The following CCDC88C variants were observed in gnomAD, a reference collection of about 807,000 sequenced individuals.
CCDC88C encodes the protein protein Daple.
In CCDC88C, 131 loss-of-function variants were observed where a neutral mutation model predicts 198.8. The observed-to-expected ratio is 0.66, with a 90% confidence interval of 0.57 to 0.76. The LOEUF (loss-of-function observed/expected upper bound fraction) is 0.76. CCDC88C is among the 30% of genes least tolerant of loss of function. CCDC88C has a pLI of 0.00. For missense variants in CCDC88C, 2,553 were observed against 2,631.6 expected, an observed-to-expected ratio of 0.97 and a Z score of 0.65; for synonymous variants, 1,166 against 1,114.7, an observed-to-expected ratio of 1.05 and a Z score of -0.92.
At position 91,393,260 on chromosome 14, in the gene CCDC88C, G is replaced by A. The variant is rs552643200; in HGVS notation, c.270+15399C>T. Among the ~76,000 whole-genome samples the A allele has an allele frequency of 3.2e-4, 49 of 152,292 alleles. 1 individual carries two copies. Among genetic ancestry groups the A allele is most frequent in the Non-Finnish European group, 1.8e-4 (12 of 68,010 alleles). On this transcript the variant is annotated intron_variant, in intron 3 of 29. Coordinates refer to ENST00000389857, the MANE Select transcript of CCDC88C (RefSeq NM_001080414.4). ...CCTGGAGGACAAGAGGAGCTGCCCC[G>A]GGAGAGGCTGAGCTGGGAGATGACA... is the stretch of plus-strand genomic sequence containing the variant.
intron 27 of CCDC88C, chr14:91,280,091 C>G (rs1157273870): frequency 6.6e-6 from 1 of 152,282 alleles, no homozygotes; most frequent in Admixed American, 6.5e-5. Context: ...CACACCTCTC[C>G]TGGGCCACTC....
At chr14:91,324,520 G>T (rs940742265) in intron 12 of CCDC88C, among the ~76,000 whole-genome samples, 1 of 152,224 alleles carries the variant, frequency 6.6e-6, no homozygotes. Context: ...GGAAGCTCCC[G>T]GGAATGTCCA....
intron 25 of CCDC88C, chr14:91,285,481 G>A: frequency 2.1e-6 from 1 of 466,310 alleles, no homozygotes; most frequent in Non-Finnish European, 4.0e-6. Flanking sequence ...AAATGGTCCA[G>A]GGAGTGTGAC....
chr14:91,324,640 A>G (rs542290705), intron 12 of CCDC88C, 139 bp downstream of exon 12: 2 of 1,098,950 alleles, frequency 1.8e-6, no homozygotes, highest in African/African-American at 3.1e-5. Flanking sequence ...AAACAGTTCC[A>G]AGTGGAGCTT....
rs764354661 is a variant in CCDC88C, at chr14:91,278,197, G to A, written c.4783C>T (p.Leu1595Phe). 8 of 1,604,108 alleles carry A rather than the reference G, an allele frequency of 5.0e-6. No homozygotes were observed. Among genetic ancestry groups the A allele is most frequent in the Non-Finnish European group, 6.8e-6 (8 of 1,173,636 alleles). ...CTGAAGCTCTCAGACCGGCCATGGA[G>A]CTGCTCGGAGGAGCCTGGGTGTCAG... ...PLNLKGSSEQ[L>F]HGRSESFSSE... Residue 1595 changes from leucine (L) to phenylalanine (F), a missense_variant, in exon 29 of 30, where the codon CTC (leucine) becomes TTC (phenylalanine). Physicochemically the swap from Leu to Phe is conservative, Grantham distance 22. Transcript: ENST00000389857.
chr14:91,273,320 T>C lies in CCDC88C; in HGVS notation c.5392A>G (p.Ser1798Gly). 1.3e-6 allele frequency: 2 copies of C among 1,554,422 alleles called. No individual in the cohort carries two copies. Among genetic ancestry groups the C allele is most frequent in the Non-Finnish European group, 1.7e-6 (2 of 1,147,862 alleles). ...CTGAAGGCCCGGCTCAAGGAGGCACTGCGGCTGGCAGGTGCATGGGAAGCT... is the reference window on the plus strand; with the variant it reads ...CTGAAGGCCCGGCTCAAGGAGGCACCGCGGCTGGCAGGTGCATGGGAAGCT... The part of the protein sequence containing the change: ...PPASHAPASR[S>G]ASLSRAFSLA... The change falls in exon 30 of 30, where the codon AGT becomes GGT. Residue 1798 changes from serine (S) to glycine (G), a missense_variant. Physicochemically the swap from Ser to Gly is moderately conservative, Grantham distance 56. This residue lies in a region of CCDC88C where 1,293 missense variants were observed against 1,219.6 expected (regional missense o/e 1.06). Transcript: ENST00000389857. This position sits in a 1 kb window ranked among gnomAD's most constrained non-coding sequence, Gnocchi z 5.6.
At chr14:91,417,507 T>G in intron 1 of CCDC88C, 124 bp downstream of exon 1, 4 of 777,194 alleles carry the variant, frequency 5.1e-6, no homozygotes, top group Non-Finnish European at 8.0e-6. Context: ...GGGAGCCACT[T>G]GCTGCGTCCC....
At chr14:91,298,187 C>T (rs559118580) in intron 21 of CCDC88C, among the ~76,000 whole-genome samples, 126 of 152,284 alleles carry the variant, frequency 8.3e-4, no homozygotes, top group African/African-American at 2.9e-3. Flanking sequence ...GTAATCCCAG[C>T]ACTCTGGGAG....
In CCDC88C at chr14:91,313,176, C is replaced by T. The variant is rs117305675; in HGVS notation, c.2640G>A (p.Arg880=). ...GCTCCTTCAGCTTGCCGGCTGCGTC[C>T]CTGCAGCGGGCCAGCTCCTTGTCCA... ...RALDKELARC[R]DAAGKLKELE... The change falls in exon 15 of 30, where the codon AGG becomes AGA. Residue 880 remains arginine (R), a synonymous_variant. Transcript: ENST00000389857. The surrounding 1 kb of genome is among the most constrained non-coding windows in gnomAD (Gnocchi z 5.2). The T allele has an allele frequency of 1.2e-3, 1,891 of 1,612,554 alleles. 37 individuals are homozygous for T. The East Asian group carries it at 0.032, about 27-fold the overall frequency.
At chr14:91,378,575 C>CA (rs1374926613) in intron 3 of CCDC88C, 2 of 152,696 alleles carry the variant, frequency 1.3e-5, no homozygotes, top group African/African-American at 4.8e-5. Flanking sequence ...ATGGCGCCCC[C>CA]AGCACACTGC....
chr14:91,391,139 T>C (rs1297612243), intron 3 of CCDC88C, among the ~76,000 whole-genome samples: 1 of 152,112 alleles, frequency 6.6e-6, no homozygotes, highest in Non-Finnish European at 1.5e-5. Flanking sequence ...AGCTTGCCCA[T>C]TCACTGGCAC....
In CCDC88C at chr14:91,337,925, C is replaced by T. The variant is rs902915224; in HGVS notation, c.1050+80G>A. The T allele has an allele frequency of 1.9e-6, 3 of 1,561,404 alleles. No individual in the cohort carries two copies. The African/African-American group carries it at 4.0e-5, about 21-fold the overall frequency. On this transcript the variant is annotated intron_variant, in intron 10 of 29. Transcript: ENST00000389857. ...GCTGTGGCTCCGCTCCTCCAAGCCC[C>T]CAAGGACAGGTCAGTCTGAATGTGC...
chr14:91,292,240 G>T (rs1054316158), intron 23 of CCDC88C, among the ~76,000 whole-genome samples: 1 of 152,188 alleles, frequency 6.6e-6, no homozygotes, highest in Non-Finnish European at 1.5e-5. Context: ...TGAGCCTTAA[G>T]CCTTGAGTGC....
chr14:91,378,542 G>A (rs1218014119), intron 3 of CCDC88C: 1 of 152,640 alleles, frequency 6.6e-6, no homozygotes, highest in Non-Finnish European at 1.5e-5. Context: ...CTAGGGCCTT[G>A]ACAATAACCT....
At chr14:91,386,633 CTG>C (rs1567114649) in intron 3 of CCDC88C, among the ~76,000 whole-genome samples, 1 of 152,260 alleles carries the variant, frequency 6.6e-6, no homozygotes, top group Non-Finnish European at 1.5e-5. Context: ...TCGGGCCAAT[CTG>C]TGTGTTTTCT....
chr14:91,294,593 C>T (rs1342544179), intron 22 of CCDC88C, among the ~76,000 whole-genome samples: 3 of 152,178 alleles, frequency 2.0e-5, no homozygotes, highest in Non-Finnish European at 4.4e-5. Context: ...GTGCAAAATA[C>T]GCAGCAGATT....
chr14:91,332,321 C>A (rs1379066530), intron 10 of CCDC88C, among the ~76,000 whole-genome samples: 2 of 152,218 alleles, frequency 1.3e-5, no homozygotes, highest in African/African-American at 4.8e-5. Flanking sequence ...AAAGGGAAGT[C>A]AGGGACACCC....
intron 4 of CCDC88C, among the ~76,000 whole-genome samples, chr14:91,358,075 G>A (rs1894123514): frequency 6.6e-6 from 1 of 152,150 alleles, no homozygotes; most frequent in African/African-American, 2.4e-5. Flanking sequence ...ATGCAAAGGC[G>A]GACACCTCAG....
chr14:91,408,286 T>C (rs1419083317), intron 3 of CCDC88C: 6 of 228,988 alleles, frequency 2.6e-5, no homozygotes, highest in African/African-American at 1.4e-4. Flanking sequence ...GGCTCCTGTA[T>C]AAAGAGCCAC....
Sources: allele counts gnomAD v4.1 joint callset (sites outside exome capture counted in the v4.1 genomes callset), GRCh38; gene constraint gnomAD v4.1.1; regional missense constraint gnomAD v4.1.1; non-coding constraint Gnocchi (gnomAD v3.1); transcripts MANE v1.5; gene names NCBI Gene and HGNC (gene_info 2026-07-23, HGNC 2026-07-21).